Variants in UBR1 observed in about 807,000 individuals in gnomAD.
UBR1 encodes ubiquitin protein ligase E3 component n-recognin 1.
A neutral mutation model predicts 242.1 loss-of-function variants in UBR1; 102 were observed. The observed-to-expected ratio is 0.42, with a 90% CI of 0.36 to 0.50. The LOEUF is 0.50. Ranked by LOEUF, UBR1 falls within the 20% of genes least tolerant of loss-of-function variation. UBR1 has a pLI of 0.01. For synonymous variants in UBR1, 675 were observed against 684.8 expected, an observed-to-expected ratio of 0.99 and a Z score of 0.22; for missense variants, 1,772 against 2,101.8, an observed-to-expected ratio of 0.84 and a Z score of 3.07.
At chr15:42,959,784 A>G (rs1448615674) in intron 43 of UBR1, among the ~76,000 whole-genome samples, 1 of 152,242 alleles carries the variant, frequency 6.6e-6, no homozygotes, top group Non-Finnish European at 1.5e-5. Context: ...AAATCTCTAA[A>G]GATGTGTTAC....
chr15:43,076,812 C>G (rs1763772605), intron 3 of UBR1, among the ~76,000 whole-genome samples: 1 of 113,198 alleles, frequency 8.8e-6, no homozygotes, highest in Non-Finnish European at 1.9e-5. Context: ...CCGCCCCGTC[C>G]GGGAGGTGAG....
At chr15:43,067,809 A>T in intron 6 of UBR1, 89 bp downstream of exon 6, 1 of 1,528,442 alleles carries the variant, frequency 6.5e-7, no homozygotes, top group Non-Finnish European at 9.1e-7. Context: ...GGTCAGACCT[A>T]GCACAATACT....
intron 17 of UBR1, among the ~76,000 whole-genome samples, chr15:43,037,462 A>AAAG (rs886759813): frequency 6.6e-6 from 1 of 152,190 alleles, no homozygotes; most frequent in Non-Finnish European, 1.5e-5. Flanking sequence ...CAGATGGTGG[A>AAAG]AAGACTAAAG....
At chr15:43,078,676 T>C (rs538746912) in intron 3 of UBR1, among the ~76,000 whole-genome samples, 1 of 152,112 alleles carries the variant, frequency 6.6e-6, no homozygotes, top group South Asian at 2.1e-4. Context: ...GTATCAGAAA[T>C]AGAAAAACTG....
At chr15:43,042,177 T>A (rs370110502) in intron 15 of UBR1, among the ~76,000 whole-genome samples, 3 of 152,270 alleles carry the variant, frequency 2.0e-5, no homozygotes, top group South Asian at 4.1e-4. Flanking sequence ...AATTCCACAT[T>A]TGGGTATATA....
rs138510410 is a variant in UBR1, at chr15:42,988,869, C to T, written c.3947G>A (p.Arg1316Gln). The T allele has an allele frequency of 2.9e-5, 47 of 1,614,158 alleles. No homozygotes were observed. Among genetic ancestry groups the T allele is most frequent in the Admixed American group, 2.7e-4 (16 of 60,014 alleles). ...LKVPPDERDPRVPMLTWSTCA... is the reference protein window; with the variant it reads ...LKVPPDERDPQVPMLTWSTCA... ...GGTGCTCCAGGTCAGCATGGGGACTCGAGGATCCCTTTCATCAGGTGGCAC... is the reference window on the plus strand; with the variant it reads ...GGTGCTCCAGGTCAGCATGGGGACTTGAGGATCCCTTTCATCAGGTGGCAC... The change falls in exon 35 of 47, where the codon CGA (arginine) becomes CAA (glutamine). Residue 1316 changes from arginine (R) to glutamine (Q), a missense_variant. Physicochemically the swap from Arg to Gln is conservative, Grantham distance 43 (BLOSUM62 1). Around this residue, in one of 3 missense-constraint regions of UBR1, gnomAD observed 965 missense variants for 1,079.7 expected, o/e 0.89. Transcript: ENST00000290650.
At chr15:43,085,895 T>G (rs2034029716) in intron 2 of UBR1, 89 bp downstream of exon 2, 1 of 1,399,912 alleles carries the variant, frequency 7.1e-7, no homozygotes, top group Non-Finnish European at 9.6e-7. Flanking sequence ...CACTCCAGCC[T>G]GGGTCACACA....
At chr15:42,984,172 G>T (rs1281516066) in intron 36 of UBR1, among the ~76,000 whole-genome samples, 179 bp from the exon 37 acceptor site, 1 of 152,128 alleles carries the variant, frequency 6.6e-6, no homozygotes, top group Non-Finnish European at 1.5e-5. Flanking sequence ...AGGTTTTATG[G>T]CCTTGCTAAA....
chr15:43,077,352 C>T (rs2033919144), intron 3 of UBR1, among the ~76,000 whole-genome samples: 1 of 151,820 alleles, frequency 6.6e-6, no homozygotes, highest in African/African-American at 2.4e-5. Context: ...GTGACCTTAT[C>T]CCCAACCTTG....
At chr15:43,033,461 T>C (rs370232036) in intron 19 of UBR1, among the ~76,000 whole-genome samples, 556 of 152,050 alleles carry the variant, frequency 3.7e-3, no homozygotes, top group African/African-American at 0.012. Flanking sequence ...CTGACCAACA[T>C]CGTGAAACCT....
intron 23 of UBR1, chr15:43,026,155 C>G (rs950119185): frequency 9.0e-5 from 17 of 189,090 alleles, no homozygotes; most frequent in African/African-American, 3.8e-4. Flanking sequence ...TCACTTGAAC[C>G]TGGGAGGTGG....
chr15:42,961,357 C>T (rs573669922), intron 42 of UBR1, among the ~76,000 whole-genome samples: 6 of 151,864 alleles, frequency 4.0e-5, no homozygotes, highest in African/African-American at 1.4e-4. Context: ...AGGTGATCAG[C>T]CTGCCTCGGC....
intron 13 of UBR1, 24 bp from the exon 14 acceptor site, chr15:43,047,313 T>C: frequency 3.1e-6 from 5 of 1,614,030 alleles, no homozygotes; most frequent in Non-Finnish European, 4.2e-6. Flanking sequence ...TTGGTCAACA[T>C]ACACCTATCT....
intron 19 of UBR1, among the ~76,000 whole-genome samples, 197 bp downstream of exon 19, chr15:43,035,981 A>C (rs964668321): frequency 6.6e-6 from 1 of 151,854 alleles, no homozygotes; most frequent in Non-Finnish European, 1.5e-5. Context: ...CTAATGCTAG[A>C]TGACGAGTTA....
At position 42,945,323 on chromosome 15, in the gene UBR1, T is replaced by C. The variant is rs2031713677; in HGVS notation, c.*6A>G. 1.2e-6 allele frequency: 2 copies of C among 1,614,032 alleles called. No homozygotes were observed. Among genetic ancestry groups the C allele is most frequent in the African/African-American group, 2.7e-5 (2 of 74,918 alleles). On this transcript the variant is annotated 3_prime_UTR_variant, in exon 47 of 47. Coordinates refer to ENST00000290650, the MANE Select transcript of UBR1 (RefSeq NM_174916.3). ...ATTTGTGATTGTCTTGAGGCAGAGTTGGAGCTCACAGTAACTGCCAGTTGA... is the reference window on the plus strand; with the variant it reads ...ATTTGTGATTGTCTTGAGGCAGAGTCGGAGCTCACAGTAACTGCCAGTTGA...
intron 2 of UBR1, among the ~76,000 whole-genome samples, chr15:43,085,188 C>CAAA: frequency 6.6e-6 from 1 of 152,272 alleles, no homozygotes; most frequent in Non-Finnish European, 1.5e-5. Flanking sequence ...CACTTGGTGG[C>CAAA]AAAAAATTAC....
chr15:43,040,826 C>A (rs1002352495), intron 15 of UBR1, among the ~76,000 whole-genome samples: 6 of 152,218 alleles, frequency 3.9e-5, no homozygotes, highest in East Asian at 1.9e-4. Flanking sequence ...ATGCAGCCAA[C>A]AGACACATGA....
At chr15:43,039,400 TG>T (rs2033386848) in intron 15 of UBR1, among the ~76,000 whole-genome samples, 1 of 152,208 alleles carries the variant, frequency 6.6e-6, no homozygotes, top group Non-Finnish European at 1.5e-5. Context: ...TCACATCCCT[TG>T]TAAGTTGGAT....
At chr15:43,085,593 T>C (rs1309312200) in intron 2 of UBR1, among the ~76,000 whole-genome samples, 1 of 151,456 alleles carries the variant, frequency 6.6e-6, no homozygotes, top group Non-Finnish European at 1.5e-5. Flanking sequence ...ACCAAGATTG[T>C]AATACTTGGC....
Sources: allele counts gnomAD v4.1 joint callset (sites outside exome capture counted in the v4.1 genomes callset), GRCh38; gene constraint gnomAD v4.1.1; regional missense constraint gnomAD v4.1.1; transcripts MANE v1.5; gene names NCBI Gene and HGNC (gene_info 2026-07-23, HGNC 2026-07-21).